Variants in SHISA6 observed in about 807,000 individuals in gnomAD.
SHISA6 encodes the protein protein shisa-6.
SHISA6 carries 22 observed loss-of-function variants against 47.9 expected under a neutral mutation model. That is an observed-to-expected ratio of 0.46 (90% CI 0.33 to 0.66). The LOEUF (loss-of-function observed/expected upper bound fraction) is 0.66, where lower values mean the gene tolerates loss of function less well. Among genes scored for constraint, SHISA6 ranks in the 30% least tolerant of loss-of-function variants. SHISA6 has a pLI of 0.02. For synonymous variants in SHISA6, 388 were observed against 337.8 expected (o/e 1.15, Z -1.63); for missense variants, 680 against 764.6 (o/e 0.89, Z 1.30).
At chr17:11,355,425 G>GA (rs796655903) in intron 2 of SHISA6, among the ~76,000 whole-genome samples, 2 of 151,912 alleles carry the variant, frequency 1.3e-5, no homozygotes, top group Non-Finnish European at 2.9e-5. Context: ...GTCCTGATGG[G>GA]AAAAAAATAC....
At chr17:11,308,747 G>A (rs1286824545) in intron 2 of SHISA6, among the ~76,000 whole-genome samples, 1 of 152,140 alleles carries the variant, frequency 6.6e-6, no homozygotes, top group Admixed American at 6.6e-5. Context: ...GTATCCACAG[G>A]GGAATCTCTC....
intron 3 of SHISA6, among the ~76,000 whole-genome samples, chr17:11,444,678 A>G (rs1915185356): frequency 6.6e-6 from 1 of 152,252 alleles, no homozygotes; most frequent in South Asian, 2.1e-4. Flanking sequence ...CTCCTTCTCA[A>G]ATAGGCCACT....
At chr17:11,501,821 A>T (rs953641286) in intron 3 of SHISA6, among the ~76,000 whole-genome samples, 13 of 152,090 alleles carry the variant, frequency 8.5e-5, no homozygotes, top group African/African-American at 3.1e-4. Context: ...CTGCAGATAG[A>T]CAAGGACAAG....
intron 1 of SHISA6, among the ~76,000 whole-genome samples, chr17:11,249,513 T>C (rs751073864): frequency 6.6e-6 from 1 of 152,142 alleles, no homozygotes; most frequent in Non-Finnish European, 1.5e-5. Context: ...AAATAACCTC[T>C]GTGGCATGCA....
chr17:11,287,286 AAAGGAAGG>A lies in SHISA6; in HGVS notation c.799+23777_799+23784del, dbSNP rs140468493. ...GAAGGAAGCAAGGAAGGAAGGAAGG[AAAGGAAGG>A]AAGGAAGGAAGGAAGGGAAGCTACT... On this transcript the variant is annotated intron_variant, in intron 2 of 5. Transcript: ENST00000441885. Among the ~76,000 whole-genome samples, 823 of 149,966 alleles carry A rather than the reference AAAGGAAGG, an allele frequency of 5.5e-3. 9 individuals carry two copies. Among genetic ancestry groups the A allele is most frequent in the African/African-American group, 0.018 (745 of 40,732 alleles).
At chr17:11,367,324 G>A (rs183206996) in intron 2 of SHISA6, among the ~76,000 whole-genome samples, 3 of 152,278 alleles carry the variant, frequency 2.0e-5, no homozygotes, top group Non-Finnish European at 2.9e-5. Flanking sequence ...CTTGGAACAA[G>A]GACATTGGAC....
At chr17:11,384,930 G>C (rs529894536) in intron 3 of SHISA6, among the ~76,000 whole-genome samples, 62 of 152,342 alleles carry the variant, frequency 4.1e-4, no homozygotes, top group Admixed American at 4.1e-3. Flanking sequence ...AGGAGCGATT[G>C]CCCGTTTTTC....
intron 2 of SHISA6, chr17:11,289,028 T>C (rs192935442): frequency 6.3e-4 from 96 of 152,302 alleles, no homozygotes; most frequent in African/African-American, 2.0e-3. Context: ...ACACAGAATC[T>C]TTCAAATAAT....
chr17:11,369,241 A>G (rs1358608486), intron 2 of SHISA6, among the ~76,000 whole-genome samples: 1 of 152,208 alleles, frequency 6.6e-6, no homozygotes, highest in African/African-American at 2.4e-5. Flanking sequence ...ATCCTAAATC[A>G]CAGCTTAGTC....
intron 3 of SHISA6, among the ~76,000 whole-genome samples, chr17:11,423,772 T>G (rs1914527492): frequency 6.6e-6 from 1 of 152,008 alleles, no homozygotes. Context: ...TATTTAAAAT[T>G]GTTGAATTGT....
chr17:11,344,391 CT>C (rs1489923528), intron 2 of SHISA6, among the ~76,000 whole-genome samples: 1 of 152,138 alleles, frequency 6.6e-6, no homozygotes, highest in East Asian at 1.9e-4. Flanking sequence ...TCTAAGAAGT[CT>C]TTGCCTACTA....
At chr17:11,300,347 G>C (rs764419695) in intron 2 of SHISA6, among the ~76,000 whole-genome samples, 3 of 152,154 alleles carry the variant, frequency 2.0e-5, no homozygotes, top group Non-Finnish European at 4.4e-5. Flanking sequence ...GGCAAACATG[G>C]GGCATGCAAG....
intron 3 of SHISA6, among the ~76,000 whole-genome samples, chr17:11,492,928 G>C (rs1486098194): frequency 6.6e-6 from 1 of 152,186 alleles, no homozygotes; most frequent in Non-Finnish European, 1.5e-5. Flanking sequence ...CCCACAGTCT[G>C]TCTGTCCTGC....
At chr17:11,484,627 G>A (rs954161580) in intron 3 of SHISA6, among the ~76,000 whole-genome samples, 7 of 152,134 alleles carry the variant, frequency 4.6e-5, no homozygotes, top group Non-Finnish European at 1.0e-4. Context: ...TTGAACTCCT[G>A]ACCTCAAGTG....
At chr17:11,524,046 A>G (rs2071654369) in intron 3 of SHISA6, among the ~76,000 whole-genome samples, 1 of 151,658 alleles carries the variant, frequency 6.6e-6, no homozygotes, top group African/African-American at 2.4e-5. Flanking sequence ...AAAGAAAGAA[A>G]GAAAAAGAAG....
intron 3 of SHISA6, among the ~76,000 whole-genome samples, chr17:11,509,460 T>G (rs2071525932): frequency 6.6e-6 from 1 of 152,216 alleles, no homozygotes; most frequent in African/African-American, 2.4e-5. Context: ...TTCAGAGAGC[T>G]GGAGGAAATG....
chr17:11,511,094 G>C (rs2071537499), intron 3 of SHISA6, among the ~76,000 whole-genome samples: 2 of 152,084 alleles, frequency 1.3e-5, no homozygotes, highest in African/African-American at 2.4e-5. Context: ...CGCATGGAAT[G>C]CTATGCAGCC....
chr17:11,296,751 C>T (rs978929454), intron 2 of SHISA6, among the ~76,000 whole-genome samples: 1 of 151,880 alleles, frequency 6.6e-6, no homozygotes, highest in East Asian at 1.9e-4. Flanking sequence ...CTGAGGGACT[C>T]GAAAACTTGA....
At chr17:11,253,261 C>T (rs1289100608) in intron 1 of SHISA6, among the ~76,000 whole-genome samples, 1 of 151,764 alleles carries the variant, frequency 6.6e-6, no homozygotes, top group Non-Finnish European at 1.5e-5. Context: ...TAAGCCGCAT[C>T]GATTTAGATG....
Sources: gnomAD v4.1 joint callset for allele counts (sites outside exome capture counted in the v4.1 genomes callset) on GRCh38, gnomAD v4.1.1 for gene constraint, MANE v1.5 for transcripts, NCBI Gene and HGNC (gene_info 2026-07-23, HGNC 2026-07-21) for gene names.